PCDHA13: variants seen among roughly 807,000 people sequenced by gnomAD.
PCDHA13 encodes protocadherin alpha 13.
In PCDHA13, 54 loss-of-function variants were observed where a neutral mutation model predicts 64.8. The ratio of observed to expected loss-of-function variants is 0.83; its 90% CI spans 0.67 to 1.04. PCDHA13 has a LOEUF of 1.04. Ranked by LOEUF, PCDHA13 falls within the 50% of genes least tolerant of loss-of-function variation. The pLI, the probability that PCDHA13 is intolerant of heterozygous loss-of-function variation, is 0.00. For missense variants in PCDHA13, 1,248 were observed against 1,254.3 expected (o/e 0.99, Z 0.08); for synonymous variants, 587 against 564.4 (o/e 1.04, Z -0.57).
intron 1 of PCDHA13, among the ~76,000 whole-genome samples, chr5:140,886,040 C>T (rs533442744): frequency 9.2e-5 from 14 of 152,118 alleles, no homozygotes; most frequent in Non-Finnish European, 1.9e-4. Context: ...AAGTTTTCCC[C>T]AATAGTAACA....
At chr5:140,977,599 AC>A (rs782213571) in intron 1 of PCDHA13, among the ~76,000 whole-genome samples, 1 of 152,150 alleles carries the variant, frequency 6.6e-6, no homozygotes, top group Non-Finnish European at 1.5e-5. Context: ...GCATGTGAGG[AC>A]CATTGAGGTA....
At chr5:140,893,575 T>C (rs930167579) in intron 1 of PCDHA13, among the ~76,000 whole-genome samples, 6 of 152,220 alleles carry the variant, frequency 3.9e-5, no homozygotes, top group Non-Finnish European at 7.3e-5. Flanking sequence ...CCTCAGTTTT[T>C]GCTTGTTTGG....
intron 1 of PCDHA13, among the ~76,000 whole-genome samples, chr5:140,893,927 T>C (rs1251170255): frequency 1.3e-5 from 2 of 152,212 alleles, no homozygotes; most frequent in Non-Finnish European, 2.9e-5. Flanking sequence ...TTTCAGAATC[T>C]CTACCTGTTA....
Position 140,884,589 on chromosome 5 carries a change from C to G in PCDHA13, c.2321C>G (p.Pro774Arg). ...PHKTDLMAFS[P>R]SLPPCLGSAE... ...AAGACGGACCTCATGGCCTTCAGTCCCAGCCTTCCTCCTTGTCTGGGTTCT... is the reference window on the plus strand; with the variant it reads ...AAGACGGACCTCATGGCCTTCAGTCGCAGCCTTCCTCCTTGTCTGGGTTCT... The change falls in exon 1 of 4, where the codon CCC becomes CGC. Residue 774 changes from proline to arginine, a missense_variant. By Grantham distance (103) the Pro-to-Arg change is moderately radical. Coordinates refer to ENST00000289272, the MANE Select transcript of PCDHA13 (RefSeq NM_018904.3). The G allele has an allele frequency of 1.9e-6, 3 of 1,614,146 alleles. No individual in the cohort carries two copies. The highest frequency in any genetic ancestry group is 3.3e-5 in the Admixed American group (2 of 59,994).
At chr5:140,952,352 A>G (rs2094730295) in intron 1 of PCDHA13, among the ~76,000 whole-genome samples, 1 of 103,372 alleles carries the variant, frequency 9.7e-6, no homozygotes, top group Non-Finnish European at 2.0e-5. Flanking sequence ...AAAAAAAAAA[A>G]AAGAAAGAAA....
chr5:140,935,257 C>A (rs1200153130), intron 1 of PCDHA13, among the ~76,000 whole-genome samples: 10 of 152,150 alleles, frequency 6.6e-5, no homozygotes, highest in South Asian at 4.1e-4. Context: ...AAATACATCA[C>A]ATGTTTATAC....
chr5:140,978,506 C>T (rs914101151), intron 1 of PCDHA13, among the ~76,000 whole-genome samples: 22 of 152,244 alleles, frequency 1.4e-4, no homozygotes, highest in African/African-American at 4.1e-4. Context: ...GATTGCAGTC[C>T]TCTGCAGTCC....
At chr5:140,917,224 G>T (rs142866496) in intron 1 of PCDHA13, among the ~76,000 whole-genome samples, 1 of 150,920 alleles carries the variant, frequency 6.6e-6, no homozygotes, top group African/African-American at 2.4e-5. Flanking sequence ...TTAGTGATAC[G>T]TTGTTAAATC....
intron 1 of PCDHA13, among the ~76,000 whole-genome samples, chr5:140,941,193 TTCTTTCTTC>T (rs1563183581): frequency 8.6e-6 from 1 of 116,638 alleles, no homozygotes; most frequent in Non-Finnish European, 1.8e-5. Flanking sequence ...TTCTTTTTTT[TTCTTTCTTC>T]CTTTCTTTCT....
intron 1 of PCDHA13, among the ~76,000 whole-genome samples, chr5:140,889,404 G>A (rs565254911): frequency 2.0e-5 from 3 of 151,972 alleles, no homozygotes; most frequent in South Asian, 2.1e-4. Context: ...TAATTTACTC[G>A]AGTCAGTTAC....
At chr5:140,945,034 C>T (rs1218648203) in intron 1 of PCDHA13, among the ~76,000 whole-genome samples, 1 of 152,066 alleles carries the variant, frequency 6.6e-6, no homozygotes, top group East Asian at 1.9e-4. Flanking sequence ...ACATAATTAT[C>T]TTTGGTCTTA....
chr5:140,900,167 T>C (rs756471243), intron 1 of PCDHA13, among the ~76,000 whole-genome samples: 1 of 152,238 alleles, frequency 6.6e-6, no homozygotes, highest in Non-Finnish European at 1.5e-5. Context: ...TGTCTTTCTG[T>C]GCCTGGTTTA....
intron 1 of PCDHA13, among the ~76,000 whole-genome samples, chr5:140,944,059 T>C (rs190208662): frequency 6.6e-6 from 1 of 152,296 alleles, no homozygotes; most frequent in East Asian, 1.9e-4. Flanking sequence ...TACAAAAAGG[T>C]TTCTTGTTAA....
At chr5:140,924,894 C>CAA (rs782133089) in intron 1 of PCDHA13, among the ~76,000 whole-genome samples, 44 of 71,514 alleles carry the variant, frequency 6.2e-4, no homozygotes, top group African/African-American at 1.3e-3. Flanking sequence ...GAACCTGTCT[C>CAA]AAAAAAAAAA....
At chr5:140,928,065 T>G in intron 1 of PCDHA13, 20 of 1,614,198 alleles carry the variant, frequency 1.2e-5, no homozygotes, top group Non-Finnish European at 1.6e-5. Context: ...CGGCTTCCTT[T>G]GACAACTACT....
At chr5:140,964,044 A>G (rs155810) in intron 1 of PCDHA13, among the ~76,000 whole-genome samples, 592 of 152,346 alleles carry the variant, frequency 3.9e-3, no homozygotes, top group Middle Eastern at 0.024. Context: ...AAAGGAATGC[A>G]TAATGGTGTG....
rs565071573 is a variant in PCDHA13, at chr5:141,009,664, G to A, written c.2580G>A (p.Ala860=). The A allele has an allele frequency of 2.2e-5, 36 of 1,613,862 alleles. No individual in the cohort carries two copies. The highest frequency in any genetic ancestry group is 5.0e-5 in the Admixed American group (3 of 59,974). The stretch of plus-strand genomic sequence containing the variant: ...GAGAAGTGTCCCCTCCAGTCGGTGC[G>A]GGTGTCAACAGCAACAGCTGGACCT... The part of the protein sequence containing the change: ...EAGEVSPPVG[A]GVNSNSWTFK... Residue 860 remains alanine (A), a synonymous_variant, in exon 4 of 4, where the codon GCG becomes GCA. Transcript: ENST00000289272.
intron 1 of PCDHA13, chr5:140,969,185 A>G (rs782632936): frequency 1.9e-6 from 3 of 1,613,974 alleles, no homozygotes; most frequent in South Asian, 1.1e-5. Context: ...TGACACTTTC[A>G]TGTTTTACAA....
At chr5:140,888,983 T>C (rs193278447) in intron 1 of PCDHA13, among the ~76,000 whole-genome samples, 22 of 152,266 alleles carry the variant, frequency 1.4e-4, no homozygotes, top group African/African-American at 5.1e-4. Flanking sequence ...AATTTATGAT[T>C]TATGATTTTC....
Sources: gnomAD v4.1 joint callset for allele counts (sites outside exome capture counted in the v4.1 genomes callset) on GRCh38, gnomAD v4.1.1 for gene constraint, MANE v1.5 for transcripts, NCBI Gene and HGNC (gene_info 2026-07-23, HGNC 2026-07-21) for gene names.